Variants in DMGDH observed in about 807,000 individuals in gnomAD.
The protein encoded by DMGDH is dimethylglycine dehydrogenase, mitochondrial.
In DMGDH, 76 loss-of-function variants were observed where a neutral mutation model predicts 95.2. The observed-to-expected ratio is 0.80, with a 90% CI of 0.66 to 0.97. The LOEUF is 0.97. Among genes scored for constraint, DMGDH ranks in the 50% least tolerant of loss-of-function variants. The pLI is 0.00. For synonymous variants in DMGDH, 345 were observed against 377.6 expected, an observed-to-expected ratio of 0.91 and a Z score of 1.00; for missense variants, 987 against 1,055.0, an observed-to-expected ratio of 0.94 and a Z score of 0.89.
At chr5:79,023,196 A>G (rs558867309) in intron 14 of DMGDH, among the ~76,000 whole-genome samples, 1 of 152,324 alleles carries the variant, frequency 6.6e-6, no homozygotes, top group South Asian at 2.1e-4. Flanking sequence ...AGTCATATAC[A>G]TGTATTCACG....
rs1317201397 is a variant in DMGDH, at chr5:79,063,887, C to T, written c.102-100G>A. 45 of 1,198,446 alleles carry T rather than the reference C, an allele frequency of 3.8e-5. 1 individual carries two copies. The South Asian group carries it at 5.4e-4, about 14-fold the overall frequency. 74.2% of individuals were successfully genotyped at this position (1,198,446 alleles called of 1,614,324 possible). On this transcript the variant is annotated intron_variant, in intron 1 of 15. Transcript: ENST00000255189. ...TTACCCGTTTCTCTAGTACTTAACACCCACTGACTGAGATTTGCATGATAC... is the reference window on the plus strand; with the variant it reads ...TTACCCGTTTCTCTAGTACTTAACATCCACTGACTGAGATTTGCATGATAC...
At chr5:79,020,141 G>A (rs2034900) in intron 14 of DMGDH, among the ~76,000 whole-genome samples, 50,946 of 152,050 alleles carry the variant, frequency 0.34, 9,404 homozygotes, top group African/African-American at 0.5. Context: ...TTTGGTTGAA[G>A]ACAGTAATTC....
intron 1 of DMGDH, among the ~76,000 whole-genome samples, chr5:79,067,830 G>A (rs1373441648): frequency 6.6e-6 from 1 of 152,198 alleles, no homozygotes. Context: ...CTGTATGCTT[G>A]TTCAACTGCT....
At chr5:79,051,512 T>G in intron 4 of DMGDH, 21 bp from the exon 5 acceptor site, 1 of 1,594,438 alleles carries the variant, frequency 6.3e-7, no homozygotes, top group Non-Finnish European at 8.6e-7. Context: ...CATACCAGAG[T>G]CAATACTCAA....
At chr5:79,024,972 T>C (rs2112617445) in intron 13 of DMGDH, among the ~76,000 whole-genome samples, 1 of 152,360 alleles carries the variant, frequency 6.6e-6, no homozygotes, top group South Asian at 2.1e-4. Context: ...AGTCAAACTT[T>C]TAAAGCAACA....
At chr5:79,042,234 T>A (rs1754529508) in intron 7 of DMGDH, 49 bp downstream of exon 7, 2 of 1,554,642 alleles carry the variant, frequency 1.3e-6, no homozygotes, top group South Asian at 2.2e-5. Context: ...TAGATTTAGC[T>A]AAAATAAGTG....
chr5:79,066,640 C>G (rs56376822), intron 1 of DMGDH, among the ~76,000 whole-genome samples: 1 of 152,052 alleles, frequency 6.6e-6, no homozygotes, highest in African/African-American at 2.4e-5. Flanking sequence ...GTGAGTTTGT[C>G]TGGTGTTTCC....
Position 79,030,082 on chromosome 5 carries a change from T to C in DMGDH, c.1684-48A>G, listed in dbSNP as rs1374498769. ...ACCTTAGGATGAACTAAAAATCACA[T>C]GCATCCTTTTAACACCTATTGAAAT... On this transcript the variant is annotated intron_variant, in intron 10 of 15. Transcript: ENST00000255189. 4 of 1,531,650 alleles carry C rather than the reference T, an allele frequency of 2.6e-6. No homozygotes were observed. The African/African-American group carries it at 4.1e-5, about 16-fold the overall frequency. The allele number at this position is 1,531,650 out of a possible 1,614,324, so 94.9% of individuals were successfully genotyped here.
At chr5:79,052,901 C>T in intron 4 of DMGDH, among the ~76,000 whole-genome samples, 1 of 152,146 alleles carries the variant, frequency 6.6e-6, no homozygotes. Context: ...GTCAATGATA[C>T]AAACCCTCAG....
At chr5:79,042,529 A>G (rs1278689177) in intron 6 of DMGDH, 48 bp from the exon 7 acceptor site, 5 of 1,571,964 alleles carry the variant, frequency 3.2e-6, no homozygotes, top group Non-Finnish European at 4.4e-6. Context: ...TGAGCTGACA[A>G]GTCCTGTAAA....
intron 5 of DMGDH, among the ~76,000 whole-genome samples, chr5:79,049,708 A>T (rs1469235663): frequency 6.6e-6 from 1 of 152,238 alleles, no homozygotes; most frequent in Non-Finnish European, 1.5e-5. Flanking sequence ...TTAAGAGAGG[A>T]TAGTGTCAGA....
intron 14 of DMGDH, among the ~76,000 whole-genome samples, chr5:79,023,478 G>C (rs1282687920): frequency 6.6e-6 from 1 of 152,186 alleles, no homozygotes; most frequent in African/African-American, 2.4e-5. Flanking sequence ...TAATTATTTA[G>C]AGTAATGCTT....
intron 14 of DMGDH, among the ~76,000 whole-genome samples, chr5:79,016,989 AG>A (rs1161009791): frequency 3.3e-5 from 5 of 152,228 alleles, no homozygotes; most frequent in African/African-American, 1.2e-4. Context: ...TGGTTATCCA[AG>A]TACAAATAAA....
chr5:79,040,453 T>C (rs536637228), intron 7 of DMGDH, among the ~76,000 whole-genome samples: 4 of 152,360 alleles, frequency 2.6e-5, no homozygotes, highest in African/African-American at 7.2e-5. Context: ...TATGCAAGAA[T>C]TAACTCATGA....
chr5:79,016,766 A>T (rs1302435770), intron 14 of DMGDH, among the ~76,000 whole-genome samples: 2 of 152,214 alleles, frequency 1.3e-5, no homozygotes, highest in Non-Finnish European at 2.9e-5. Context: ...AAAAGAGAAC[A>T]AAGTTGCAGG....
At chr5:79,030,152 T>C in intron 10 of DMGDH, 118 bp from the exon 11 acceptor site, 1 of 863,142 alleles carries the variant, frequency 1.2e-6, no homozygotes, top group Non-Finnish European at 1.8e-6. Flanking sequence ...ATCTTACTGT[T>C]TGTGTCAATC....
intron 15 of DMGDH, among the ~76,000 whole-genome samples, chr5:78,999,460 G>A (rs1424708043): frequency 2.0e-5 from 3 of 151,960 alleles, no homozygotes; most frequent in African/African-American, 7.3e-5. Flanking sequence ...CCTCCCGAGT[G>A]GCTGGGACTA....
chr5:79,065,219 CTTT>C (rs35123793), intron 1 of DMGDH, among the ~76,000 whole-genome samples: 28 of 129,616 alleles, frequency 2.2e-4, no homozygotes, highest in East Asian at 4.7e-4. Flanking sequence ...TTTTCTTTTC[CTTT>C]TTTTTTTTTT....
chr5:79,015,892 A>G (rs930453066), intron 14 of DMGDH, among the ~76,000 whole-genome samples: 3 of 152,202 alleles, frequency 2.0e-5, no homozygotes, highest in Non-Finnish European at 2.9e-5. Context: ...AACAAACAAA[A>G]TGATTATCTC....
Sources: allele counts gnomAD v4.1 joint callset (sites outside exome capture counted in the v4.1 genomes callset), GRCh38; gene constraint gnomAD v4.1.1; transcripts MANE v1.5; gene names NCBI Gene and HGNC (gene_info 2026-07-23, HGNC 2026-07-21).